COL11A1: variants seen among roughly 807,000 people sequenced by gnomAD.
COL11A1 encodes collagen alpha-1(XI) chain.
In COL11A1, 74 loss-of-function variants were observed where a neutral mutation model predicts 265.2. The observed-to-expected ratio is 0.28, with a 90% CI of 0.23 to 0.34. The LOEUF (loss-of-function observed/expected upper bound fraction) is 0.34, where lower values mean the gene tolerates loss of function less well. Among genes scored for constraint, COL11A1 ranks in the 10% least tolerant of loss-of-function variants. COL11A1 has a pLI of 1.00. For synonymous variants in COL11A1, 816 were observed against 727.6 expected, an observed-to-expected ratio of 1.12 and a Z score of -1.96; for missense variants, 2,165 against 2,263.6, an observed-to-expected ratio of 0.96 and a Z score of 0.88.
chr1:102,995,174 C>T (rs1664507295), intron 28 of COL11A1, among the ~76,000 whole-genome samples: 1 of 151,988 alleles, frequency 6.6e-6, no homozygotes, highest in Admixed American at 6.6e-5. Flanking sequence ...ATTCCCTTTG[C>T]ATTTCATCAT....
At chr1:103,033,299 T>A (rs1668125351) in intron 4 of COL11A1, among the ~76,000 whole-genome samples, 1 of 151,994 alleles carries the variant, frequency 6.6e-6, no homozygotes, top group African/African-American at 2.4e-5. Flanking sequence ...TGCCTTTGTA[T>A]TAATATTACG....
Position 103,004,676 on chromosome 1 carries a change from C to T in COL11A1, c.1846-15G>A. On this transcript the variant is annotated splice_polypyrimidine_tract_variant and intron_variant, in intron 18 of 66. Coordinates refer to ENST00000370096, the MANE Select transcript of COL11A1 (RefSeq NM_001854.4). Reference sequence around the variant, plus strand: ...CCTCGTTCACCCTGTTAAATCAATACAAATAAGATTAGCATATGGAAAGAA... The same window carrying T: ...CCTCGTTCACCCTGTTAAATCAATATAAATAAGATTAGCATATGGAAAGAA... 6.2e-7 allele frequency: 1 copy of T among 1,603,350 alleles called. No individual in the cohort carries two copies. The highest frequency in any genetic ancestry group is 8.5e-7 in the Non-Finnish European group (1 of 1,172,932).
intron 1 of COL11A1, among the ~76,000 whole-genome samples, chr1:103,092,980 AC>A (rs1673445915): frequency 6.6e-6 from 1 of 151,944 alleles, no homozygotes; most frequent in African/African-American, 2.4e-5. Flanking sequence ...AAACAAACAA[AC>A]AAAAAAAAAC....
intron 36 of COL11A1, among the ~76,000 whole-genome samples, chr1:102,973,836 G>A (rs939207238): frequency 6.6e-6 from 1 of 152,092 alleles, no homozygotes; most frequent in African/African-American, 2.4e-5. Context: ...AAAAATTATT[G>A]TAAAAAGTTA....
intron 38 of COL11A1, 64 bp downstream of exon 38, chr1:102,965,423 T>C: frequency 1.4e-6 from 2 of 1,390,678 alleles, no homozygotes; most frequent in Non-Finnish European, 2.0e-6. Context: ...TTTACACAAC[T>C]TAGGAAGGTT....
chr1:102,886,551 C>T (rs1172572528), intron 63 of COL11A1, among the ~76,000 whole-genome samples: 1 of 152,126 alleles, frequency 6.6e-6, no homozygotes, highest in Non-Finnish European at 1.5e-5. Context: ...AAGCAAAGTA[C>T]ATTTGTGTTA....
At chr1:103,065,646 G>A (rs1022604732) in intron 4 of COL11A1, among the ~76,000 whole-genome samples, 1 of 149,514 alleles carries the variant, frequency 6.7e-6, no homozygotes, top group Non-Finnish European at 1.5e-5. Flanking sequence ...CTCTCAGGAA[G>A]AGTTTTTAAA....
intron 42 of COL11A1, among the ~76,000 whole-genome samples, chr1:102,943,816 G>T (rs1658992084): frequency 6.6e-6 from 1 of 152,076 alleles, no homozygotes. Context: ...TTTAGATCTA[G>T]CTCTTCCCCC....
At chr1:102,912,334 G>T in intron 53 of COL11A1, 122 bp from the exon 54 acceptor site, 1 of 738,004 alleles carries the variant, frequency 1.4e-6, no homozygotes, top group Non-Finnish European at 2.2e-6. Context: ...ATATTTCCTG[G>T]AAAATCTCAG....
intron 30 of COL11A1, among the ~76,000 whole-genome samples, chr1:102,987,019 A>C (rs2101733761): frequency 6.6e-6 from 1 of 152,268 alleles, no homozygotes; most frequent in Non-Finnish European, 1.5e-5. Context: ...TAAAACCTTA[A>C]GTAGAACCTC....
intron 41 of COL11A1, among the ~76,000 whole-genome samples, chr1:102,956,111 A>G (rs955191300): frequency 6.6e-6 from 1 of 152,192 alleles, no homozygotes; most frequent in African/African-American, 2.4e-5. Context: ...CCTTTAGATA[A>G]CCCTAACCTT....
intron 41 of COL11A1, among the ~76,000 whole-genome samples, chr1:102,960,511 C>A (rs1241321499): frequency 6.6e-6 from 1 of 151,354 alleles, no homozygotes; most frequent in East Asian, 1.9e-4. Flanking sequence ...TTTACAAATA[C>A]ATGAAATGGA....
intron 36 of COL11A1, 33 bp downstream of exon 36, chr1:102,974,797 T>C: frequency 6.4e-7 from 1 of 1,562,272 alleles, no homozygotes; most frequent in Non-Finnish European, 8.8e-7. Context: ...AAATATCAAA[T>C]GAAGAAAGAG....
intron 46 of COL11A1, among the ~76,000 whole-genome samples, chr1:102,931,228 T>G (rs1285379520): frequency 1.3e-5 from 2 of 150,886 alleles, no homozygotes; most frequent in Non-Finnish European, 2.9e-5. Flanking sequence ...TTGTGGGCAT[T>G]TAGTGCTATA....
intron 39 of COL11A1, 28 bp downstream of exon 39, chr1:102,962,625 A>T: frequency 1.2e-6 from 2 of 1,604,396 alleles, no homozygotes; most frequent in Non-Finnish European, 1.7e-6. Context: ...GTTTTGGGCC[A>T]AAAAAAGTTT....
At chr1:102,886,773 G>C (rs374036913) in intron 63 of COL11A1, 34 bp downstream of exon 63, 152 of 1,613,330 alleles carry the variant, frequency 9.4e-5, no homozygotes, top group Non-Finnish European at 1.2e-4. Context: ...TCAGGGGCTC[G>C]GTACATTTGC....
chr1:103,020,628 C>T (rs1666968354), intron 9 of COL11A1, among the ~76,000 whole-genome samples: 1 of 69,818 alleles, frequency 1.4e-5, no homozygotes, highest in Non-Finnish European at 2.9e-5. Context: ...CTTTTGTTGC[C>T]ATTGCTTTTG....
At chr1:103,018,428 A>C (rs1461025104) in intron 10 of COL11A1, among the ~76,000 whole-genome samples, 2 of 152,172 alleles carry the variant, frequency 1.3e-5, no homozygotes, top group Non-Finnish European at 2.9e-5. Context: ...CCACAATGGA[A>C]TCTGATAATT....
At chr1:102,928,321 ATTCCCACC>A (rs1656895740) in intron 46 of COL11A1, among the ~76,000 whole-genome samples, 2 of 150,508 alleles carry the variant, frequency 1.3e-5, no homozygotes, top group Admixed American at 1.3e-4. Context: ...TCATTGTTCA[ATTCCCACC>A]TATGAGTGAG....
Sources: allele counts gnomAD v4.1 joint callset (sites outside exome capture counted in the v4.1 genomes callset), GRCh38; gene constraint gnomAD v4.1.1; transcripts MANE v1.5; gene names NCBI Gene and HGNC (gene_info 2026-07-23, HGNC 2026-07-21).